The following DDX42 variants were observed in gnomAD, a reference collection of about 807,000 sequenced individuals.
The protein encoded by DDX42 is DEAD-box helicase 42, also known as ATP-dependent RNA helicase DDX42.
A neutral mutation model predicts 101.5 loss-of-function variants in DDX42; 22 were observed. The ratio of observed to expected loss-of-function variants is 0.22; its 90% CI spans 0.15 to 0.31. The LOEUF (loss-of-function observed/expected upper bound fraction) is 0.31, where lower values mean the gene tolerates loss of function less well. DDX42 is among the 10% of genes least tolerant of loss of function. The pLI, the probability that DDX42 is intolerant of heterozygous loss-of-function variation, is 1.00. For synonymous variants in DDX42, 402 were observed against 401.2 expected (o/e 1.00, Z -0.02); for missense variants, 849 against 1,199.9 (o/e 0.71, Z 4.32).
chr17:63,793,276 A>G (rs1229668201), intron 3 of DDX42, among the ~76,000 whole-genome samples: 2 of 98,362 alleles, frequency 2.0e-5, no homozygotes, highest in African/African-American at 7.5e-5. Context: ...TCTTTCTTTT[A>G]TTTTTTTGAG....
At chr17:63,787,406 T>G in intron 2 of DDX42, 136 bp downstream of exon 2, 1 of 951,960 alleles carries the variant, frequency 1.1e-6, no homozygotes, top group Non-Finnish European at 1.5e-6. Flanking sequence ...TGAATTCCAT[T>G]GTTCCTAATA....
At chr17:63,815,035 A>G (rs2039960242) in intron 15 of DDX42, among the ~76,000 whole-genome samples, 1 of 152,150 alleles carries the variant, frequency 6.6e-6, no homozygotes, top group Admixed American at 6.5e-5. Flanking sequence ...GGTCAAGTTC[A>G]ATGAAAACTT....
chr17:63,806,726 C>T, intron 8 of DDX42, 72 bp downstream of exon 8: 16 of 1,484,432 alleles, frequency 1.1e-5, no homozygotes, highest in Non-Finnish European at 1.4e-5. Flanking sequence ...AAAAACAAAT[C>T]ACAGCAGTAA....
rs543843500 is a variant in DDX42 at position 63,794,151 on chromosome 17, T to A, written c.372+1589T>A. Among the ~76,000 whole-genome samples, 7 of 152,318 alleles carry A rather than the reference T, an allele frequency of 4.6e-5. No individual in the cohort carries two copies. The South Asian group carries it at 1.4e-3, about 32-fold the overall frequency. On this transcript the variant is annotated intron_variant, in intron 3 of 17. Transcript: ENST00000389924. The stretch of plus-strand genomic sequence containing the variant: ...TTTACACTCTCGTAAATTCTCTCCC[T>A]GCTTTAGGCTCTCTGCTGTCTTATT...
At chr17:63,791,562 C>T (rs780389446) in intron 2 of DDX42, among the ~76,000 whole-genome samples, 2 of 152,086 alleles carry the variant, frequency 1.3e-5, no homozygotes, top group East Asian at 1.9e-4. Flanking sequence ...GCACCTGTCT[C>T]GGCCTCCCAA....
chr17:63,803,618 T>C (rs1292215330), intron 6 of DDX42, among the ~76,000 whole-genome samples: 1 of 149,736 alleles, frequency 6.7e-6, no homozygotes, highest in Non-Finnish European at 1.5e-5. Flanking sequence ...AATACTGTCC[T>C]CTCTTTTTCA....
intron 11 of DDX42, 30 bp from the exon 12 acceptor site, chr17:63,810,483 A>T: frequency 1.2e-6 from 2 of 1,610,936 alleles, no homozygotes; most frequent in Non-Finnish European, 1.7e-6. Context: ...ATTTCAGGTT[A>T]TAATAATTTT....
chr17:63,812,318 T>G, intron 14 of DDX42, 110 bp downstream of exon 14: 1 of 1,380,692 alleles, frequency 7.2e-7, no homozygotes, highest in South Asian at 1.5e-5. Context: ...ACTGTTGGCC[T>G]GGCTGGCCAT....
chr17:63,785,455 A>G (rs28690655), intron 1 of DDX42, among the ~76,000 whole-genome samples: 1 of 148,164 alleles, frequency 6.7e-6, no homozygotes, highest in East Asian at 2.0e-4. Flanking sequence ...GTCTCAAAAA[A>G]CAAAAAACAA....
intron 16 of DDX42, among the ~76,000 whole-genome samples, chr17:63,816,273 T>G (rs1329255613): frequency 1.3e-5 from 2 of 152,210 alleles, no homozygotes; most frequent in East Asian, 3.8e-4. Context: ...GCATTAAACT[T>G]GGCATCTTTG....
intron 1 of DDX42, among the ~76,000 whole-genome samples, chr17:63,784,665 T>C (rs2039525255): frequency 6.6e-6 from 1 of 152,128 alleles, no homozygotes; most frequent in Admixed American, 6.6e-5. Context: ...TTCCAGCTAC[T>C]CAGGAGGCTG....
At chr17:63,779,330 C>T (rs932417247) in intron 1 of DDX42, among the ~76,000 whole-genome samples, 1 of 152,132 alleles carries the variant, frequency 6.6e-6, no homozygotes, top group East Asian at 1.9e-4. Context: ...TTGGCATGAT[C>T]TCGGCCCACT....
chr17:63,779,036 A>G (rs958279672), intron 1 of DDX42, among the ~76,000 whole-genome samples: 1 of 152,184 alleles, frequency 6.6e-6, no homozygotes, highest in African/African-American at 2.4e-5. Context: ...GTATAAAACA[A>G]TGGATGTTAT....
chr17:63,778,289 A>G (rs2039445257), intron 1 of DDX42, among the ~76,000 whole-genome samples: 1 of 152,218 alleles, frequency 6.6e-6, no homozygotes, highest in Non-Finnish European at 1.5e-5. Flanking sequence ...TTTTAGATGA[A>G]GCATCTGGAT....
In DDX42 at chr17:63,818,121, C is replaced by G; in HGVS notation, c.2540C>G (p.Pro847Arg). 1 of 1,613,868 alleles carries G rather than the reference C, an allele frequency of 6.2e-7. No homozygotes were observed. Among genetic ancestry groups the G allele is most frequent in the Non-Finnish European group, 8.5e-7 (1 of 1,180,032 alleles). ...CGCCATGGAGATGGATACCGCCATC[C>G]AGAAAGCAGCAGCCGTCATACTGAT... ...GGRHGDGYRH[P>R]ESSSRHTDGH... Residue 847 changes from proline (P) to arginine (R), a missense_variant, in exon 18 of 18, where the codon CCA becomes CGA. Transcript: ENST00000389924.
At chr17:63,783,160 A>G (rs1212231983) in intron 1 of DDX42, among the ~76,000 whole-genome samples, 2 of 152,138 alleles carry the variant, frequency 1.3e-5, no homozygotes, top group Non-Finnish European at 2.9e-5. Flanking sequence ...CGTCTGTTAG[A>G]ACGCATCATG....
intron 8 of DDX42, among the ~76,000 whole-genome samples, 197 bp downstream of exon 8, chr17:63,806,851 G>T (rs577360742): frequency 6.6e-6 from 1 of 152,138 alleles, no homozygotes; most frequent in Non-Finnish European, 1.5e-5. Context: ...TTGAAAATAT[G>T]ATATGAAGAA....
At chr17:63,778,803 G>A (rs1249812115) in intron 1 of DDX42, among the ~76,000 whole-genome samples, 1 of 152,082 alleles carries the variant, frequency 6.6e-6, no homozygotes, top group African/African-American at 2.4e-5. Flanking sequence ...ATCACGCCTG[G>A]CTAATTTTTG....
At chr17:63,787,368 TAATG>T in intron 2 of DDX42, 98 bp downstream of exon 2, 3 of 1,198,122 alleles carry the variant, frequency 2.5e-6, no homozygotes, top group East Asian at 4.9e-5. Context: ...TCTCAAATAA[TAATG>T]AATTCTTAAA....
Sources: allele counts gnomAD v4.1 joint callset (sites outside exome capture counted in the v4.1 genomes callset), GRCh38; gene constraint gnomAD v4.1.1; transcripts MANE v1.5; gene names NCBI Gene and HGNC (gene_info 2026-07-23, HGNC 2026-07-21).